The following KMT2C variants were observed in gnomAD, a reference collection of about 807,000 sequenced individuals.
KMT2C encodes lysine methyltransferase 2C.
Under a neutral mutation model 507.9 loss-of-function variants are expected in KMT2C, and 88 were observed. That is an observed-to-expected ratio of 0.17 (90% CI 0.15 to 0.21). The LOEUF (loss-of-function observed/expected upper bound fraction) is 0.21. Among genes scored for constraint, KMT2C ranks in the 10% least tolerant of loss-of-function variants. The pLI is 1.00. For missense variants in KMT2C, 4,954 were observed against 5,957.8 expected, an observed-to-expected ratio of 0.83 and a Z score of 5.55; for synonymous variants, 2,049 against 2,080.8, an observed-to-expected ratio of 0.98 and a Z score of 0.42.
intron 6 of KMT2C, among the ~76,000 whole-genome samples, chr7:152,297,066 AGAGAGAG>A (rs2096519989): frequency 8.5e-6 from 1 of 117,570 alleles, no homozygotes; most frequent in African/African-American, 4.3e-5. Context: ...AGAGAGAGAG[AGAGAGAG>A]AGAGAGAGAG....
At position 152,290,223 on chromosome 7, in the gene KMT2C, T is replaced by TAG. The variant is rs1192490526; in HGVS notation, c.850-16357_850-16356insCT. 3.0e-4 allele frequency among the ~76,000 whole-genome samples: 26 copies of TAG among 86,380 alleles called. No individual in the cohort carries two copies. In the East Asian group the frequency reaches 8.4e-3, roughly 28 times the overall value. 56.7% of individuals were successfully genotyped at this position (86,380 alleles called of 152,430 possible). A position where few individuals can be genotyped will look rare whatever the true frequency, so the allele number is the denominator to read the frequency against. The stretch of plus-strand genomic sequence containing the variant: ...GTCTAATAAATTTTATATATATATG[T>TAG]GTGTGTGTGTGTGTGTGTGTGTGTG... On this transcript the variant is annotated intron_variant, in intron 6 of 58. Coordinates refer to ENST00000262189, the MANE Select transcript of KMT2C (RefSeq NM_170606.3).
Position 152,162,170 on chromosome 7 carries a change from C to T in KMT2C, c.11407G>A (p.Asp3803Asn), listed in dbSNP as rs2129103588. The change falls in exon 43 of 59, where the codon GAC (aspartate) becomes AAC (asparagine). Residue 3803 changes from aspartate (D) to asparagine (N), a missense_variant. Asp to Asn is a conservative substitution (Grantham distance 23). Around this residue, in one of 29 missense-constraint regions of KMT2C, gnomAD observed 801 missense variants for 751.2 expected, o/e 1.07. Transcript: ENST00000262189. ...KPEGSICSED[D>N]CTKDNKLVEK... Reference sequence around the variant, plus strand: ...ACTAGTTTATTATCCTTTGTACAGTCATCTTCTGAACAAATACTGCCCTCA... The same window carrying T: ...ACTAGTTTATTATCCTTTGTACAGTTATCTTCTGAACAAATACTGCCCTCA... 1 of 1,609,178 alleles carries T rather than the reference C, an allele frequency of 6.2e-7. No homozygotes were observed.
At chr7:152,367,910 G>T (rs2097260466) in intron 1 of KMT2C, 3 of 1,041,932 alleles carry the variant, frequency 2.9e-6, no homozygotes, top group Middle Eastern at 3.0e-4. Context: ...ATGAAAAAGT[G>T]ATTATCATCC....
intron 4 of KMT2C, among the ~76,000 whole-genome samples, chr7:152,314,609 C>T (rs890776142): frequency 2.3e-4 from 35 of 151,780 alleles, no homozygotes; most frequent in African/African-American, 8.2e-4. Context: ...ATGTATAGGA[C>T]AGTGCAACAT....
intron 6 of KMT2C, among the ~76,000 whole-genome samples, chr7:152,307,335 AG>A (rs1260156085): frequency 1.1e-5 from 1 of 90,146 alleles, no homozygotes; most frequent in African/African-American, 4.6e-5. Context: ...GGAAGGAAAG[AG>A]GGAGGGAGGG....
At chr7:152,290,514 T>G (rs2096410117) in intron 6 of KMT2C, among the ~76,000 whole-genome samples, 2 of 151,066 alleles carry the variant, frequency 1.3e-5, no homozygotes, top group Admixed American at 1.3e-4. Flanking sequence ...TTCACAATCT[T>G]GGCCATGCTG....
Position 152,139,335 on chromosome 7 carries a change from GACTCAGTCGA to G in KMT2C, c.14461-86_14461-77del, listed in dbSNP as rs1322152039. 18 of 1,364,966 alleles carry G rather than the reference GACTCAGTCGA, an allele frequency of 1.3e-5. No individual in the cohort carries two copies. The African/African-American group carries it at 2.3e-4, about 17-fold the overall frequency. 84.6% of individuals were successfully genotyped at this position (1,364,966 alleles called of 1,614,324 possible). On this transcript the variant is annotated intron_variant, in intron 56 of 58. Transcript: ENST00000262189. ...TCTGTGTTCCTATCCACACCAGGAG[GACTCAGTCGA>G]AACTGAACGGAACGGCAGCCTGATC...
At chr7:152,299,834 C>T (rs1476689770) in intron 6 of KMT2C, among the ~76,000 whole-genome samples, 1 of 151,856 alleles carries the variant, frequency 6.6e-6, no homozygotes, top group Non-Finnish European at 1.5e-5. Flanking sequence ...ATAAAACTAT[C>T]GCCTTCAAGA....
intron 1 of KMT2C, among the ~76,000 whole-genome samples, chr7:152,365,304 T>A (rs2097233062): frequency 6.6e-6 from 1 of 152,034 alleles, no homozygotes; most frequent in Admixed American, 6.6e-5. Context: ...TGAGGTCGAG[T>A]TCGAGACCAG....
At chr7:152,250,824 A>G in intron 12 of KMT2C, 29 bp downstream of exon 12, 9 of 1,198,878 alleles carry the variant, frequency 7.5e-6, no homozygotes, top group Non-Finnish European at 1.1e-5. Flanking sequence ...TTTCTTCAAA[A>G]ACAGAGTATA....
intron 2 of KMT2C, among the ~76,000 whole-genome samples, chr7:152,334,556 T>C (rs2096916261): frequency 6.6e-6 from 1 of 152,178 alleles, no homozygotes; most frequent in Admixed American, 6.5e-5. Context: ...CTAGAGACTT[T>C]ATTCCCCAAC....
chr7:152,213,038 A>G (rs1219126903), intron 23 of KMT2C, among the ~76,000 whole-genome samples: 1 of 152,188 alleles, frequency 6.6e-6, no homozygotes, highest in Admixed American at 6.5e-5. Flanking sequence ...ACAGAGCGTG[A>G]CTCTGTCTCA....
chr7:152,198,283 T>C (rs573527807), intron 27 of KMT2C, among the ~76,000 whole-genome samples: 7 of 152,318 alleles, frequency 4.6e-5, no homozygotes, highest in South Asian at 2.1e-4. Context: ...CGGGGTAAGA[T>C]TGCTTCTAAT....
At chr7:152,237,286 G>A (rs1422255724) in intron 15 of KMT2C, among the ~76,000 whole-genome samples, 28 of 152,226 alleles carry the variant, frequency 1.8e-4, no homozygotes, top group African/African-American at 6.3e-4. Flanking sequence ...AATTTATGGT[G>A]ATACTGTAAG....
At chr7:152,419,205 G>T (rs2097764114) in intron 1 of KMT2C, among the ~76,000 whole-genome samples, 1 of 151,916 alleles carries the variant, frequency 6.6e-6, no homozygotes, top group African/African-American at 2.4e-5. Flanking sequence ...CAAAAAATTA[G>T]CCGGGCATGG....
intron 52 of KMT2C, 38 bp from the exon 53 acceptor site, chr7:152,146,773 G>T (rs1039720115): frequency 6.3e-7 from 1 of 1,583,604 alleles, no homozygotes; most frequent in Non-Finnish European, 8.6e-7. Flanking sequence ...ATAGGAAATA[G>T]GATACAGTAT....
intron 7 of KMT2C, among the ~76,000 whole-genome samples, chr7:152,267,449 A>G (rs1463153127): frequency 6.6e-6 from 1 of 152,212 alleles, no homozygotes; most frequent in African/African-American, 2.4e-5. Flanking sequence ...GACCCAACAC[A>G]TCCAGCCAGA....
intron 27 of KMT2C, 31 bp downstream of exon 27, chr7:152,199,248 A>G: frequency 6.5e-7 from 1 of 1,530,334 alleles, no homozygotes; most frequent in Non-Finnish European, 8.8e-7. Flanking sequence ...TATATGATAT[A>G]AAGAAAATAT....
intron 1 of KMT2C, among the ~76,000 whole-genome samples, chr7:152,409,827 T>C (rs919419239): frequency 2.8e-4 from 42 of 152,328 alleles, no homozygotes; most frequent in Middle Eastern, 3.4e-3. Context: ...CATCATGGAA[T>C]TAAACACACA....
Sources: gnomAD v4.1 joint callset for allele counts (sites outside exome capture counted in the v4.1 genomes callset) on GRCh38, gnomAD v4.1.1 for gene constraint, gnomAD v4.1.1 regional missense constraint, MANE v1.5 for transcripts, NCBI Gene and HGNC (gene_info 2026-07-23, HGNC 2026-07-21) for gene names.